Variants in CCAR1 observed in about 807,000 individuals in gnomAD.
The protein encoded by CCAR1 is cell division cycle and apoptosis regulator 1.
A neutral mutation model predicts 163.8 loss-of-function variants in CCAR1; 78 were observed. The observed-to-expected ratio is 0.48, with a 90% CI of 0.40 to 0.57. The LOEUF (loss-of-function observed/expected upper bound fraction) is 0.57. Ranked by LOEUF, CCAR1 falls within the 20% of genes least tolerant of loss-of-function variation. CCAR1 has a pLI of 0.00. For synonymous variants in CCAR1, 443 were observed against 460.7 expected (o/e 0.96, Z 0.49); for missense variants, 1,019 against 1,365.2 (o/e 0.75, Z 4.00).
At chr10:68,737,358 C>G (rs1325885998) in intron 3 of CCAR1, among the ~76,000 whole-genome samples, 3 of 151,848 alleles carry the variant, frequency 2.0e-5, no homozygotes, top group Non-Finnish European at 2.9e-5. Context: ...CGAGAATTAG[C>G]CAGCATAGTG....
intron 23 of CCAR1, 111 bp downstream of exon 23, chr10:68,788,439 T>C (rs909949416): frequency 1.7e-6 from 1 of 588,890 alleles, no homozygotes; most frequent in Non-Finnish European, 2.6e-6. Flanking sequence ...TGCATATGCA[T>C]ACCAGATATT....
chr10:68,769,378 C>T (rs927220902), intron 17 of CCAR1, among the ~76,000 whole-genome samples: 4 of 151,960 alleles, frequency 2.6e-5, no homozygotes, highest in South Asian at 2.1e-4. Flanking sequence ...CCCAGCACTT[C>T]GGCAGTCTGA....
chr10:68,758,503 AGTGTGTGTGTGTGTGTGTGT>A (rs71028777), intron 15 of CCAR1, among the ~76,000 whole-genome samples: 5 of 124,574 alleles, frequency 4.0e-5, no homozygotes, highest in Non-Finnish European at 6.8e-5. Flanking sequence ...CATCCTGGGC[AGTGTGTGTGTGTGTGTGTGT>A]GTGTGTGTGT....
At chr10:68,755,040 G>A (rs1589169163) in intron 12 of CCAR1, 14 of 590,064 alleles carry the variant, frequency 2.4e-5, no homozygotes, top group East Asian at 2.2e-4. Context: ...CAGTCATTTT[G>A]ATGTTTTATA....
intron 19 of CCAR1, among the ~76,000 whole-genome samples, chr10:68,779,076 C>T (rs2056702696): frequency 6.6e-6 from 1 of 152,144 alleles, no homozygotes; most frequent in South Asian, 2.1e-4. Flanking sequence ...AACTTCTGAC[C>T]TTGTGATCCG....
intron 2 of CCAR1, among the ~76,000 whole-genome samples, chr10:68,723,083 G>GT (rs530584679): frequency 6.2e-4 from 92 of 147,504 alleles, no homozygotes; most frequent in Non-Finnish European, 9.0e-4. Context: ...CAGTTTTGTA[G>GT]TTTTTTTTTT....
chr10:68,749,392 TTAC>T (rs2056301958), intron 9 of CCAR1, 127 bp downstream of exon 9: 2 of 1,271,910 alleles, frequency 1.6e-6, no homozygotes, highest in Non-Finnish European at 2.1e-6. Context: ...TATGTCTATT[TTAC>T]TACAATTTTT....
chr10:68,758,478 C>T (rs2056422692), intron 15 of CCAR1, among the ~76,000 whole-genome samples: 1 of 148,130 alleles, frequency 6.8e-6, no homozygotes, highest in Non-Finnish European at 1.5e-5. Context: ...TCGCTTGAGT[C>T]CAGGAGTTTG....
intron 4 of CCAR1, among the ~76,000 whole-genome samples, chr10:68,740,082 C>G (rs1470693352): frequency 6.6e-6 from 1 of 152,124 alleles, no homozygotes; most frequent in East Asian, 1.9e-4. Context: ...AGGGATATAT[C>G]TATGAATTGG....
chr10:68,745,242 G>A (rs905205766), intron 6 of CCAR1, among the ~76,000 whole-genome samples: 11 of 152,024 alleles, frequency 7.2e-5, no homozygotes, highest in African/African-American at 2.2e-4. Flanking sequence ...TGCTGACCTC[G>A]TGATCCACCC....
At chr10:68,737,734 GA>G (rs1375229130) in intron 3 of CCAR1, 110 bp from the exon 4 acceptor site, 1 of 520,416 alleles carries the variant, frequency 1.9e-6, no homozygotes, top group Non-Finnish European at 3.3e-6. Context: ...CACCAGAACA[GA>G]AAGTTTATGT....
intron 6 of CCAR1, among the ~76,000 whole-genome samples, chr10:68,746,435 G>T (rs1311301572): frequency 6.6e-6 from 1 of 151,922 alleles, no homozygotes; most frequent in African/African-American, 2.4e-5. Flanking sequence ...TCACCGCATT[G>T]GTCAGGCTGG....
intron 19 of CCAR1, among the ~76,000 whole-genome samples, chr10:68,775,898 T>C (rs2056660848): frequency 6.6e-6 from 1 of 152,014 alleles, no homozygotes; most frequent in Admixed American, 6.6e-5. Flanking sequence ...AGTTTTACCA[T>C]GTTGGCCAGA....
Position 68,755,642 on chromosome 10 carries a change from A to G in CCAR1, c.1625+106A>G. ...CCGGCTTATTTTAGCAACCCTGGTC[A>G]ATGCAGGTAATCTCAAAGGAAAATC... On this transcript the variant is annotated intron_variant, in intron 13 of 24. Transcript: ENST00000265872. The G allele has an allele frequency of 5.9e-6, 5 of 842,426 alleles. No individual in the cohort carries two copies. In the South Asian group the frequency reaches 1.0e-4, roughly 17 times the overall value. The allele number at this position is 842,426 out of a possible 1,614,324, so 52.2% of individuals were successfully genotyped here.
chr10:68,769,813 C>T (rs1322991234), intron 17 of CCAR1, among the ~76,000 whole-genome samples: 3 of 144,272 alleles, frequency 2.1e-5, no homozygotes, highest in Non-Finnish European at 3.0e-5. Flanking sequence ...TGGTGGCAGG[C>T]GCTTGTAGGC....
intron 3 of CCAR1, 52 bp from the exon 4 acceptor site, chr10:68,737,793 A>G (rs1247574379): frequency 2.9e-6 from 3 of 1,020,262 alleles, no homozygotes; most frequent in Non-Finnish European, 3.0e-6. Flanking sequence ...TTGAGAATGA[A>G]TAAATTTAGT....
In CCAR1 at chr10:68,753,775, T is replaced by C. The variant is rs2056366627; in HGVS notation, c.1119-77T>C. The C allele has an allele frequency of 5.7e-6, 6 of 1,052,520 alleles. No individual in the cohort carries two copies. The South Asian group carries it at 7.2e-5, about 13-fold the overall frequency. The allele number at this position is 1,052,520 out of a possible 1,614,324, so 65.2% of individuals were successfully genotyped here. A position where few individuals can be genotyped will look rare whatever the true frequency, so the allele number is the denominator to read the frequency against. On this transcript the variant is annotated intron_variant, in intron 10 of 24. Coordinates refer to ENST00000265872, the MANE Select transcript of CCAR1 (RefSeq NM_018237.4). ...GCTTACTTTTTACTATATCCAGTTA[T>C]ATTTGCTACAGAATTAAATGTTTGT...
rs1326486842 is a variant in CCAR1, at chr10:68,756,855, C to G, written c.1836+372C>G. On this transcript the variant is annotated intron_variant, in intron 14 of 24. Transcript: ENST00000265872. The surrounding 1 kb of genome is among the most constrained non-coding windows in gnomAD (Gnocchi z 5.1). Reference sequence around the variant, plus strand: ...AAAAAATTTTCTTTTTCATGGTCATCAGTTCTAGTCATGGATATTTGAAAT... The same window carrying G: ...AAAAAATTTTCTTTTTCATGGTCATGAGTTCTAGTCATGGATATTTGAAAT... Among the ~76,000 whole-genome samples, 1 of 152,126 alleles carries G rather than the reference C, an allele frequency of 6.6e-6. No individual in the cohort carries two copies. Among genetic ancestry groups the G allele is most frequent in the African/African-American group, 2.4e-5 (1 of 41,418 alleles).
At chr10:68,730,493 A>C (rs1362934049) in intron 2 of CCAR1, among the ~76,000 whole-genome samples, 1 of 151,760 alleles carries the variant, frequency 6.6e-6, no homozygotes, top group Non-Finnish European at 1.5e-5. Context: ...GCGTGCCACC[A>C]TGCCCCACTA....
Sources: allele counts gnomAD v4.1 joint callset (sites outside exome capture counted in the v4.1 genomes callset), GRCh38; gene constraint gnomAD v4.1.1; non-coding constraint Gnocchi (gnomAD v3.1); transcripts MANE v1.5; gene names NCBI Gene and HGNC (gene_info 2026-07-23, HGNC 2026-07-21).